The following INPP5B variants were observed in gnomAD, a reference collection of about 807,000 sequenced individuals.
INPP5B encodes the protein inositol polyphosphate-5-phosphatase B, also known as type II inositol 1,4,5-trisphosphate 5-phosphatase.
A neutral mutation model predicts 118.5 loss-of-function variants in INPP5B; 90 were observed. The ratio of observed to expected loss-of-function variants is 0.76; its 90% CI spans 0.64 to 0.90. The LOEUF is 0.90. Among genes scored for constraint, INPP5B ranks in the 40% least tolerant of loss-of-function variants. INPP5B has a pLI of 0.00. For missense variants in INPP5B, 984 were observed against 1,125.6 expected (o/e 0.87, Z 1.80); for synonymous variants, 385 against 418.9 (o/e 0.92, Z 0.99).
chr1:37,901,285 A>C (rs746461532), intron 7 of INPP5B, among the ~76,000 whole-genome samples: 2 of 152,110 alleles, frequency 1.3e-5, no homozygotes, highest in Non-Finnish European at 1.5e-5. Flanking sequence ...GTCCAGCTCT[A>C]CTACTATCTT....
chr1:37,873,940 G>C, intron 18 of INPP5B, 53 bp downstream of exon 18: 1 of 1,374,562 alleles, frequency 7.3e-7, no homozygotes, highest in Non-Finnish European at 9.7e-7. Context: ...AGCAAATATA[G>C]AGTAAGGCAT....
Position 37,914,367 on chromosome 1 carries a change from G to A in INPP5B, c.532+17546C>T, listed in dbSNP as rs147142123. ...CTCAAGATCCAAGAACCCTCTCTTG[G>A]AGTCTGGCTCGGGACCCCTTTCCGG... is the stretch of plus-strand genomic sequence containing the variant. On this transcript the variant is annotated intron_variant, in intron 7 of 23. Coordinates refer to ENST00000373024, the MANE Select transcript of INPP5B (RefSeq NM_005540.3). 9.0e-3 allele frequency among the ~76,000 whole-genome samples: 1,376 copies of A among 152,130 alleles called. 21 individuals carry two copies. Among genetic ancestry groups the A allele is most frequent in the African/African-American group, 0.031 (1,294 of 41,482 alleles).
rs918692471 is a variant in INPP5B at position 37,878,626 on chromosome 1, CTTTA to C, written c.1542-307_1542-304del. 1.0e-4 allele frequency: 26 copies of C among 253,304 alleles called. No individual in the cohort carries two copies. In the Admixed American group the frequency reaches 1.4e-3, roughly 13 times the overall value. 15.7% of individuals were successfully genotyped at this position (253,304 alleles called of 1,614,324 possible). A position where few individuals can be genotyped will look rare whatever the true frequency, so the allele number is the denominator to read the frequency against. ...AATCTGACAGTAAGCATGCTATGGT[CTTTA>C]TTTTTTATTTTTATTTATTTATTTA... On this transcript the variant is annotated intron_variant, in intron 15 of 23. Coordinates refer to ENST00000373024, the MANE Select transcript of INPP5B (RefSeq NM_005540.3).
intron 7 of INPP5B, among the ~76,000 whole-genome samples, chr1:37,908,342 C>T (rs1369493561): frequency 6.6e-6 from 1 of 152,190 alleles, no homozygotes; most frequent in Non-Finnish European, 1.5e-5. Context: ...GCAGTCTTTT[C>T]ACTCTTCTCA....
At chr1:37,872,386 A>AAG (rs1642514173) in intron 19 of INPP5B, among the ~76,000 whole-genome samples, 1 of 151,278 alleles carries the variant, frequency 6.6e-6, no homozygotes, top group East Asian at 1.9e-4. Context: ...AAAAAAAAAA[A>AAG]AAGAAGTGGA....
chr1:37,902,530 GA>G (rs1335365971), intron 7 of INPP5B, among the ~76,000 whole-genome samples: 5 of 151,980 alleles, frequency 3.3e-5, no homozygotes, highest in African/African-American at 1.2e-4. Context: ...AGGAATCCAA[GA>G]CAACATGGTA....
intron 7 of INPP5B, among the ~76,000 whole-genome samples, chr1:37,913,668 C>A (rs1432654069): frequency 6.6e-6 from 1 of 152,126 alleles, no homozygotes; most frequent in Non-Finnish European, 1.5e-5. Flanking sequence ...TAATCCTGCT[C>A]GAAGCAGCCC....
At chr1:37,914,249 CTCTG>C (rs369377780) in intron 7 of INPP5B, among the ~76,000 whole-genome samples, 25 of 152,326 alleles carry the variant, frequency 1.6e-4, no homozygotes, top group African/African-American at 5.8e-4. Flanking sequence ...CTCAGGGCTG[CTCTG>C]TCTATGGAGT....
At position 37,880,178 on chromosome 1, in the gene INPP5B, G is replaced by C; in HGVS notation, c.1448C>G (p.Ala483Gly). The C allele has an allele frequency of 6.2e-7, 1 of 1,604,218 alleles. No individual in the cohort carries two copies. The change falls in exon 15 of 24, where the codon GCC becomes GGC. Residue 483 changes from alanine (A) to glycine (G), a missense_variant. Physicochemically the swap from Ala to Gly is moderately conservative, Grantham distance 60 (BLOSUM62 0). Coordinates refer to ENST00000373024, the MANE Select transcript of INPP5B (RefSeq NM_005540.3). ...GAAGCCTTCAAAGACAGTCTTTGCG[G>C]CCACCTGAATTTTCAGCTATACAAA... ...YAYDQLKIQV[A>G]AKTVFEGFTE...
In INPP5B at chr1:37,865,842, C is replaced by T. The variant is rs768669533; in HGVS notation, c.2433G>A (p.Glu811=). The T allele has an allele frequency of 1.9e-6, 3 of 1,613,790 alleles. No individual in the cohort carries two copies. Among genetic ancestry groups the T allele is most frequent in the South Asian group, 2.2e-5 (2 of 91,060 alleles). Residue 811 remains glutamate (E), a synonymous_variant, in exon 22 of 24, where the codon GAG becomes GAA. Transcript: ENST00000373024. ...AACAGATGACAGGCTCTGGAAGGCT[C>T]TCCAGGAAAAGCAGCAGGGCTTCGG... ...SVAEALLLFL[E]SLPEPVICYS... is the part of the protein sequence containing the mutation.
chr1:37,922,118 C>T (rs563501442), intron 7 of INPP5B, among the ~76,000 whole-genome samples: 30 of 152,320 alleles, frequency 2.0e-4, no homozygotes, highest in Non-Finnish European at 3.5e-4. Flanking sequence ...AGGAGAACCA[C>T]TTGAACATGG....
At chr1:37,869,027 C>G (rs1336226273) in intron 19 of INPP5B, among the ~76,000 whole-genome samples, 1 of 152,102 alleles carries the variant, frequency 6.6e-6, no homozygotes, top group Non-Finnish European at 1.5e-5. Context: ...GAGTCTCACT[C>G]TGTCACCCAG....
Position 37,943,816 on chromosome 1 carries a change from C to T in INPP5B, c.230G>A (p.Arg77Gln), listed in dbSNP as rs541762818. Residue 77 changes from arginine to glutamine, a missense_variant, in exon 4 of 24, where the codon CGG becomes CAG. Coordinates refer to ENST00000373024, the MANE Select transcript of INPP5B (RefSeq NM_005540.3). ...GGCACCTTCTTCCAGCGTAAAATCC[C>T]GCGAGACTGGCACTATCTGGTCCAG... ...VSLDQIVPVS[R>Q]DFTLEEVSPD... 2.7e-5 allele frequency: 43 copies of T among 1,614,090 alleles called. No homozygotes were observed. The highest frequency in any genetic ancestry group is 2.1e-4 in the South Asian group (19 of 91,080).
intron 7 of INPP5B, among the ~76,000 whole-genome samples, chr1:37,923,922 C>T (rs1352400868): frequency 6.6e-6 from 1 of 151,558 alleles, no homozygotes; most frequent in African/African-American, 2.4e-5. Context: ...AGATTACAGA[C>T]GCAAGCCACC....
intron 14 of INPP5B, among the ~76,000 whole-genome samples, chr1:37,881,195 C>T (rs1022596804): frequency 1.3e-5 from 2 of 152,190 alleles, no homozygotes; most frequent in Non-Finnish European, 2.9e-5. Context: ...GATAGAACTG[C>T]GTTGTCAAAT....
chr1:37,884,274 G>GT (rs1418891098), intron 13 of INPP5B: 6 of 152,112 alleles, frequency 3.9e-5, no homozygotes, highest in Non-Finnish European at 8.8e-5. Flanking sequence ...GTCAACTGCT[G>GT]TTTTGTCATA....
At chr1:37,911,797 A>G (rs1304413151) in intron 7 of INPP5B, among the ~76,000 whole-genome samples, 1 of 152,172 alleles carries the variant, frequency 6.6e-6, no homozygotes, top group Non-Finnish European at 1.5e-5. Flanking sequence ...TTTACTTCCA[A>G]AGGAAGCTGG....
At chr1:37,895,645 T>C (rs367763149) in intron 7 of INPP5B, among the ~76,000 whole-genome samples, 3 of 152,058 alleles carry the variant, frequency 2.0e-5, no homozygotes, top group African/African-American at 7.2e-5. Context: ...GCCGAGTGCC[T>C]GCGATTGCAG....
At chr1:37,894,841 C>T (rs1251334353) in intron 7 of INPP5B, among the ~76,000 whole-genome samples, 1 of 152,086 alleles carries the variant, frequency 6.6e-6, no homozygotes, top group Non-Finnish European at 1.5e-5. Context: ...TATACCCGGC[C>T]CCTGTGTGCC....
Sources: allele counts gnomAD v4.1 joint callset (sites outside exome capture counted in the v4.1 genomes callset), GRCh38; gene constraint gnomAD v4.1.1; transcripts MANE v1.5; gene names NCBI Gene and HGNC (gene_info 2026-07-23, HGNC 2026-07-21).